CTSC: variants seen among roughly 807,000 people sequenced by gnomAD.
CTSC encodes dipeptidyl peptidase 1.
In CTSC, 37 loss-of-function variants were observed where a neutral mutation model predicts 40.9. That is an observed-to-expected ratio of 0.91 (90% CI 0.70 to 1.19). The LOEUF (loss-of-function observed/expected upper bound fraction) is 1.19, where lower values mean the gene tolerates loss of function less well. CTSC is among the 50% of genes most tolerant of loss of function. CTSC has a pLI of 0.00. For missense variants in CTSC, 594 were observed against 567.3 expected, an observed-to-expected ratio of 1.05 and a Z score of -0.48; for synonymous variants, 232 against 207.4, an observed-to-expected ratio of 1.12 and a Z score of -1.02.
chr11:88,296,278 A>C lies in CTSC; in HGVS notation c.758-14T>G, dbSNP rs1042293781. On this transcript the variant is annotated splice_polypyrimidine_tract_variant and intron_variant, in intron 5 of 6. Transcript: ENST00000227266. The stretch of plus-strand genomic sequence containing the variant: ...TGCCACAGGATGCTGGCGATGAAAA[A>C]AAGACACATAATCCAAGAGACATCT... 6.2e-7 allele frequency: 1 copy of C among 1,613,322 alleles called. No individual in the cohort carries two copies. Among genetic ancestry groups the C allele is most frequent in the African/African-American group, 1.3e-5 (1 of 74,908 alleles).
At chr11:88,327,969 G>T (rs1938236646) in intron 2 of CTSC, 3 of 697,100 alleles carry the variant, frequency 4.3e-6, no homozygotes, top group South Asian at 1.6e-5. Context: ...AGACAAGCAG[G>T]CTCAAGCAAG....
chr11:88,314,604 T>C lies in CTSC; in HGVS notation c.319-2050A>G, dbSNP rs148993211. 5.6e-3 allele frequency among the ~76,000 whole-genome samples: 848 copies of C among 152,292 alleles called. 3 individuals carry two copies. The highest frequency in any genetic ancestry group is 0.02 in the African/African-American group (825 of 41,566). ...GTACACTGGCGAGATGTCGGCTCACTGCAACCTCCGCCTCCCAGGTTCAAG... is the reference window on the plus strand; with the variant it reads ...GTACACTGGCGAGATGTCGGCTCACCGCAACCTCCGCCTCCCAGGTTCAAG... On this transcript the variant is annotated intron_variant, in intron 2 of 6. Coordinates refer to ENST00000227266, the MANE Select transcript of CTSC (RefSeq NM_001814.6).
At chr11:88,325,657 T>C (rs1938161440) in intron 2 of CTSC, 1 of 984,988 alleles carries the variant, frequency 1.0e-6, no homozygotes, top group Admixed American at 6.2e-5. Flanking sequence ...TAGCTTATAG[T>C]ATGTCAACTT....
chr11:88,303,738 T>C (rs907512778), intron 4 of CTSC, among the ~76,000 whole-genome samples: 18 of 152,282 alleles, frequency 1.2e-4, no homozygotes, highest in Non-Finnish European at 1.0e-4. Flanking sequence ...AAGGGAATGA[T>C]GTAAACACAG....
intron 2 of CTSC, among the ~76,000 whole-genome samples, chr11:88,318,623 T>C (rs1937928631): frequency 6.6e-6 from 1 of 152,132 alleles, no homozygotes; most frequent in Non-Finnish European, 1.5e-5. Flanking sequence ...AAAATACAAT[T>C]GGCCAGGCGC....
intron 2 of CTSC, chr11:88,334,586 C>G (rs217072): frequency 0.78 from 204,905 of 261,836 alleles, 80,906 homozygotes; most frequent in East Asian, 1. Flanking sequence ...TGTAATCTCT[C>G]TATCTTTCCT....
intron 4 of CTSC, among the ~76,000 whole-genome samples, chr11:88,308,704 G>A (rs1937687638): frequency 6.7e-6 from 1 of 149,980 alleles, no homozygotes; most frequent in Admixed American, 6.7e-5. Context: ...CCCCCAAGCT[G>A]CCTTTGAAAA....
rs1187079153 is a variant in CTSC, at chr11:88,337,498, T to C, written c.172+3A>G. 6.4e-7 allele frequency: 1 copy of C among 1,569,746 alleles called. No homozygotes were observed. Among genetic ancestry groups the C allele is most frequent in the East Asian group, 2.4e-5 (1 of 42,162 alleles). On this transcript the variant is annotated splice_donor_region_variant and intron_variant, in intron 1 of 6. Coordinates refer to ENST00000227266, the MANE Select transcript of CTSC (RefSeq NM_001814.6). ...CCGGAGGACTGCCGAGCCGGCGGCT[T>C]ACCCATAACCGAGCAGTTGACATCG...
At chr11:88,310,502 C>G (rs540900867) in intron 3 of CTSC, among the ~76,000 whole-genome samples, 154 of 152,176 alleles carry the variant, frequency 1.0e-3, no homozygotes, top group Middle Eastern at 3.4e-3. Context: ...TATAATTAAC[C>G]TGAGGAACAT....
intron 2 of CTSC, among the ~76,000 whole-genome samples, chr11:88,331,063 C>T (rs56097354): frequency 0.078 from 11,870 of 152,228 alleles, 495 homozygotes; most frequent in Non-Finnish European, 0.096. Flanking sequence ...AACTACTCAA[C>T]GTGCTTTTTC....
intron 2 of CTSC, among the ~76,000 whole-genome samples, chr11:88,316,063 T>C (rs1368910436): frequency 1.3e-5 from 2 of 152,168 alleles, no homozygotes; most frequent in Admixed American, 1.3e-4. Context: ...GTTCAAATTG[T>C]TGCCCAAGGC....
intron 4 of CTSC, 85 bp downstream of exon 4, chr11:88,309,078 G>A (rs1937693917): frequency 1.9e-5 from 23 of 1,224,564 alleles, no homozygotes; most frequent in Admixed American, 3.7e-5. Flanking sequence ...ATAAAATGGC[G>A]AGCAACACTG....
chr11:88,337,578 T>C lies in CTSC; in HGVS notation c.95A>G (p.Tyr32Cys), dbSNP rs146381016. ...GACCCAGGTGCCCAGCAGGTCAAGATAGGTGCAGTTGGCAGGTGTGTCGCA... is the reference window on the plus strand; with the variant it reads ...GACCCAGGTGCCCAGCAGGTCAAGACAGGTGCAGTTGGCAGGTGTGTCGCA... The part of the protein sequence containing the change: ...VRCDTPANCT[Y>C]LDLLGTWVFQ... The change falls in exon 1 of 7, where the codon TAT (tyrosine) becomes TGT (cysteine). Residue 32 changes from tyrosine (Y) to cysteine (C), a missense_variant. Physicochemically the swap from Tyr to Cys is radical, Grantham distance 194. Transcript: ENST00000227266. 10 of 1,577,092 alleles carry C rather than the reference T, an allele frequency of 6.3e-6. No individual in the cohort carries two copies. In the African/African-American group the frequency reaches 8.1e-5, roughly 13 times the overall value.
At chr11:88,326,313 A>C in intron 2 of CTSC, 1 of 1,613,458 alleles carries the variant, frequency 6.2e-7, no homozygotes, top group Non-Finnish European at 8.5e-7. Flanking sequence ...AAGGGACTGT[A>C]GCTGCTAGAG....
chr11:88,302,487 G>A (rs544153051), intron 4 of CTSC, among the ~76,000 whole-genome samples: 2 of 151,900 alleles, frequency 1.3e-5, no homozygotes, highest in Non-Finnish European at 1.5e-5. Context: ...TTAGCTGGGC[G>A]TGGTGGCGGG....
chr11:88,298,587 A>T (rs1944323144), intron 5 of CTSC: 1 of 152,228 alleles, frequency 6.6e-6, no homozygotes, highest in Non-Finnish European at 1.5e-5. Flanking sequence ...AGGAAGAGAA[A>T]ATACTTTTTT....
intron 1 of CTSC, 26 bp downstream of exon 1, chr11:88,337,475 G>A (rs1938532826): frequency 6.4e-7 from 1 of 1,558,310 alleles, no homozygotes; most frequent in East Asian, 2.4e-5. Context: ...AGGACGACCC[G>A]GAGGACTGCC....
chr11:88,312,313 T>C, intron 3 of CTSC, 75 bp downstream of exon 3: 1 of 1,453,216 alleles, frequency 6.9e-7, no homozygotes, highest in Non-Finnish European at 9.6e-7. Flanking sequence ...CAAACTAAAA[T>C]TCCAAAAATG....
rs770264848 is a variant in CTSC at position 88,337,731 on chromosome 11, A to G, written c.-59T>C. Reference sequence around the variant, plus strand: ...ACCAGGAAGCCGAGCGCTGCGGGCTAGCGGTGAGTCCACCACGAGGCGCGC... The same window carrying G: ...ACCAGGAAGCCGAGCGCTGCGGGCTGGCGGTGAGTCCACCACGAGGCGCGC... On this transcript the variant is annotated 5_prime_UTR_variant, in exon 1 of 7. Transcript: ENST00000227266. 67 of 1,540,890 alleles carry G rather than the reference A, an allele frequency of 4.3e-5. No homozygotes were observed. The African/African-American group carries it at 6.6e-4, about 15-fold the overall frequency.
Sources: gnomAD v4.1 joint callset for allele counts (sites outside exome capture counted in the v4.1 genomes callset) on GRCh38, gnomAD v4.1.1 for gene constraint, MANE v1.5 for transcripts, NCBI Gene and HGNC (gene_info 2026-07-23, HGNC 2026-07-21) for gene names.